DOCK3: variants seen among roughly 807,000 people sequenced by gnomAD.
The protein encoded by DOCK3 is dedicator of cytokinesis protein 3.
In DOCK3, 60 loss-of-function variants were observed where a neutral mutation model predicts 265.6. That is an observed-to-expected ratio of 0.23 (90% CI 0.18 to 0.28). The LOEUF (loss-of-function observed/expected upper bound fraction) is 0.28, where lower values mean the gene tolerates loss of function less well. Among genes scored for constraint, DOCK3 ranks in the 10% least tolerant of loss-of-function variants. The probability of loss-of-function intolerance (pLI) is 1.00; values close to 1 mark genes in which losing one functional copy is unlikely to be tolerated. For missense variants in DOCK3, 1,981 were observed against 2,594.3 expected (o/e 0.76, Z 5.14); for synonymous variants, 881 against 938.0 (o/e 0.94, Z 1.11).
chr3:51,261,606 G>A, intron 23 of DOCK3, among the ~76,000 whole-genome samples: 1 of 152,192 alleles, frequency 6.6e-6, no homozygotes, highest in South Asian at 2.1e-4. Context: ...AGGGAGACAA[G>A]CGGTCTAGTT....
At chr3:50,877,498 C>T (rs549577943) in intron 3 of DOCK3, 4 of 520,078 alleles carry the variant, frequency 7.7e-6, no homozygotes, top group South Asian at 2.8e-5. Flanking sequence ...CTGTCAGTCT[C>T]GAATGGCAGT....
intron 1 of DOCK3, among the ~76,000 whole-genome samples, chr3:50,740,398 G>C (rs1442664156): frequency 6.6e-6 from 1 of 152,074 alleles, no homozygotes; most frequent in East Asian, 1.9e-4. Context: ...GAATGGAACG[G>C]TTAAATTATG....
chr3:51,257,077 G>T (rs2079588773), intron 22 of DOCK3, among the ~76,000 whole-genome samples: 1 of 152,256 alleles, frequency 6.6e-6, no homozygotes, highest in Admixed American at 6.5e-5. Context: ...TTCTGGGAAA[G>T]ATAAGGTTTG....
intron 4 of DOCK3, among the ~76,000 whole-genome samples, chr3:50,901,220 A>C (rs1304542631): frequency 1.3e-5 from 2 of 152,128 alleles, no homozygotes; most frequent in Non-Finnish European, 2.9e-5. Flanking sequence ...GGCTTTGCTG[A>C]ACTACAGTGG....
chr3:50,695,324 T>G (rs2035540844), intron 1 of DOCK3, among the ~76,000 whole-genome samples: 1 of 152,286 alleles, frequency 6.6e-6, no homozygotes, highest in Non-Finnish European at 1.5e-5. Context: ...CTGGCTTTGC[T>G]CTCAGGTTCC....
intron 4 of DOCK3, among the ~76,000 whole-genome samples, chr3:50,925,809 C>T (rs1174969291): frequency 2.8e-5 from 4 of 142,170 alleles, no homozygotes; most frequent in Non-Finnish European, 6.0e-5. Context: ...TCAGCAGCTA[C>T]TAGGTAAAAC....
intron 3 of DOCK3, among the ~76,000 whole-genome samples, chr3:50,880,294 G>A (rs574201161): frequency 2.0e-4 from 30 of 152,040 alleles, no homozygotes; most frequent in Non-Finnish European, 3.5e-4. Context: ...AACTGAAGGA[G>A]ATAGAGACAC....
intron 21 of DOCK3, among the ~76,000 whole-genome samples, chr3:51,242,463 G>A (rs2078652955): frequency 6.6e-6 from 1 of 152,172 alleles, no homozygotes; most frequent in African/African-American, 2.4e-5. Flanking sequence ...AGTGCTAGCA[G>A]ATGCCAGTGT....
chr3:51,089,055 A>G (rs2082534973), intron 7 of DOCK3, among the ~76,000 whole-genome samples, 188 bp from the exon 8 acceptor site: 1 of 152,208 alleles, frequency 6.6e-6, no homozygotes, highest in Admixed American at 6.5e-5. Context: ...CCTTCAGCAA[A>G]TTACGTCCAT....
chr3:50,786,166 T>TCTAATTGAGCTTATTTGGATTTTGTG (rs2042176783), intron 2 of DOCK3, among the ~76,000 whole-genome samples: 9 of 151,902 alleles, frequency 5.9e-5, no homozygotes, highest in Admixed American at 5.9e-4. Flanking sequence ...CTTGTTTTGT[T>TCTAATTGAGCTTATTTGGATTTTGTG]TCTAATTGAG....
intron 4 of DOCK3, among the ~76,000 whole-genome samples, chr3:50,892,515 T>C (rs1220812763): frequency 6.6e-6 from 1 of 152,054 alleles, no homozygotes. Context: ...TAAGAGAGAA[T>C]TTGTCCCAGA....
At chr3:51,114,102 C>T (rs2083632932) in intron 9 of DOCK3, among the ~76,000 whole-genome samples, 1 of 70,522 alleles carries the variant, frequency 1.4e-5, no homozygotes, top group Non-Finnish European at 2.6e-5. Flanking sequence ...GAGCAAGACC[C>T]TGTCTCATAA....
chr3:50,810,974 C>T (rs1468944236), intron 2 of DOCK3, among the ~76,000 whole-genome samples: 1 of 152,122 alleles, frequency 6.6e-6, no homozygotes, highest in East Asian at 1.9e-4. Context: ...GTAAATTATG[C>T]ATCAGTGAAC....
intron 9 of DOCK3, among the ~76,000 whole-genome samples, chr3:51,136,949 G>A (rs1324741617): frequency 6.6e-6 from 1 of 151,688 alleles, no homozygotes; most frequent in African/African-American, 2.4e-5. Context: ...TTGAAAAGAA[G>A]AGAAAAGCTG....
intron 4 of DOCK3, among the ~76,000 whole-genome samples, chr3:50,918,157 C>T (rs952414172): frequency 6.6e-6 from 1 of 152,108 alleles, no homozygotes; most frequent in Non-Finnish European, 1.5e-5. Flanking sequence ...TCCAGTCTAT[C>T]ATTGATGGAC....
intron 1 of DOCK3, among the ~76,000 whole-genome samples, chr3:50,678,439 C>A (rs1363353084): frequency 1.3e-5 from 2 of 152,092 alleles, no homozygotes; most frequent in Non-Finnish European, 2.9e-5. Flanking sequence ...AATACAAAAA[C>A]CAAGAAAATG....
chr3:51,050,108 G>A (rs1461497464), intron 5 of DOCK3, among the ~76,000 whole-genome samples: 7 of 152,106 alleles, frequency 4.6e-5, no homozygotes, highest in Non-Finnish European at 5.9e-5. Context: ...AATTAGCTGG[G>A]CGTGGTAGCT....
chr3:50,991,191 A>G (rs552814013), intron 5 of DOCK3, among the ~76,000 whole-genome samples: 170 of 152,266 alleles, frequency 1.1e-3, no homozygotes, highest in Admixed American at 3.3e-3. Flanking sequence ...GCACACAAAC[A>G]AGCCAACATA....
At chr3:51,208,968 A>G in intron 13 of DOCK3, 106 bp downstream of exon 13, 1 of 940,424 alleles carries the variant, frequency 1.1e-6, no homozygotes, top group Admixed American at 2.5e-5. Flanking sequence ...CCCTACAGAT[A>G]TTTATTCTCC....
Sources: allele counts gnomAD v4.1 joint callset (sites outside exome capture counted in the v4.1 genomes callset), GRCh38; gene constraint gnomAD v4.1.1; transcripts MANE v1.5; gene names NCBI Gene and HGNC (gene_info 2026-07-23, HGNC 2026-07-21).